Variants in ZNF385C observed in about 807,000 individuals in gnomAD.
ZNF385C encodes the protein zinc finger protein 385C.
A neutral mutation model predicts 35.4 loss-of-function variants in ZNF385C; 28 were observed. The ratio of observed to expected loss-of-function variants is 0.79; its 90% confidence interval spans 0.59 to 1.08. The LOEUF (loss-of-function observed/expected upper bound fraction) is 1.08. ZNF385C is among the 50% of genes least tolerant of loss of function. The pLI, the probability that ZNF385C is intolerant of heterozygous loss-of-function variation, is 0.00. For synonymous variants in ZNF385C, 248 were observed against 248.2 expected (o/e 1.00, Z 0.01); for missense variants, 605 against 595.6 (o/e 1.02, Z -0.16).
At chr17:42,092,761 G>T (rs2053875984) in intron 1 of ZNF385C, among the ~76,000 whole-genome samples, 1 of 152,226 alleles carries the variant, frequency 6.6e-6, no homozygotes. Context: ...GGGAGTGGGG[G>T]AGTGTCCCAT....
intron 1 of ZNF385C, among the ~76,000 whole-genome samples, chr17:42,084,883 C>T (rs1463241080): frequency 1.3e-5 from 2 of 152,118 alleles, no homozygotes; most frequent in African/African-American, 2.4e-5. Flanking sequence ...TCCCAGAGTG[C>T]TGGGATTACA....
chr17:42,027,562 A>G, intron 8 of ZNF385C, 56 bp downstream of exon 8: 1 of 150,460 alleles, frequency 6.6e-6, no homozygotes, highest in Non-Finnish European at 1.3e-5. Context: ...TGGCCCTCCC[A>G]GCCCACCCTC....
intron 5 of ZNF385C, among the ~76,000 whole-genome samples, chr17:42,030,407 G>A (rs1598178449): frequency 6.6e-6 from 1 of 152,086 alleles, no homozygotes; most frequent in Admixed American, 6.5e-5. Context: ...AGAATGGCTT[G>A]AACCCAGGAA....
intron 1 of ZNF385C, among the ~76,000 whole-genome samples, chr17:42,065,999 A>G (rs1383684646): frequency 6.6e-6 from 1 of 151,736 alleles, no homozygotes; most frequent in Non-Finnish European, 1.5e-5. Flanking sequence ...GCTGATCTAT[A>G]ATCTATGTAA....
chr17:42,057,540 GA>G (rs1598195004), intron 2 of ZNF385C, among the ~76,000 whole-genome samples: 22 of 151,122 alleles, frequency 1.5e-4, no homozygotes, highest in Non-Finnish European at 2.4e-4. Flanking sequence ...GTGTGTGTGT[GA>G]TGGTCCATAG....
At chr17:42,090,097 G>A (rs1477909401) in intron 1 of ZNF385C, among the ~76,000 whole-genome samples, 1 of 151,988 alleles carries the variant, frequency 6.6e-6, no homozygotes, top group Admixed American at 6.6e-5. Context: ...GGAGCACAGC[G>A]AGTTTCCCCT....
At chr17:42,039,444 A>G in intron 2 of ZNF385C, 1 of 358,600 alleles carries the variant, frequency 2.8e-6, no homozygotes, top group Non-Finnish European at 5.0e-6. Context: ...CTAACTGTGT[A>G]AAGGCCAGGA....
chr17:42,069,722 G>C (rs1289551227), intron 1 of ZNF385C, among the ~76,000 whole-genome samples: 1 of 152,220 alleles, frequency 6.6e-6, no homozygotes, highest in African/African-American at 2.4e-5. Flanking sequence ...GCCAGACCCT[G>C]CCTCGCTGGG....
intron 1 of ZNF385C, among the ~76,000 whole-genome samples, chr17:42,092,299 G>T (rs2053870475): frequency 6.6e-6 from 1 of 152,086 alleles, no homozygotes; most frequent in South Asian, 2.1e-4. Context: ...TACTCAGGAG[G>T]CTGAGGCACG....
intron 1 of ZNF385C, among the ~76,000 whole-genome samples, chr17:42,072,216 G>A (rs1474660412): frequency 2.0e-5 from 3 of 152,108 alleles, no homozygotes; most frequent in African/African-American, 7.2e-5. Flanking sequence ...AAAAGACGGT[G>A]GGTTATCTGG....
At chr17:42,052,033 C>T (rs1555657154) in intron 2 of ZNF385C, among the ~76,000 whole-genome samples, 2 of 152,200 alleles carry the variant, frequency 1.3e-5, no homozygotes, top group South Asian at 2.1e-4. Flanking sequence ...GAATTCTGCA[C>T]CCTGAAAGGG....
intron 1 of ZNF385C, among the ~76,000 whole-genome samples, chr17:42,063,830 C>T (rs1270818484): frequency 6.6e-6 from 1 of 152,274 alleles, no homozygotes; most frequent in African/African-American, 2.4e-5. Context: ...ACGCAGCAGC[C>T]GCCAGCCAAA....
chr17:42,041,070 A>C, intron 2 of ZNF385C: 2 of 1,232,328 alleles, frequency 1.6e-6, no homozygotes, highest in African/African-American at 3.1e-5. Context: ...CTGAAGTGGC[A>C]AACAGGGCCA....
At chr17:42,072,538 C>T (rs1214930478) in intron 1 of ZNF385C, among the ~76,000 whole-genome samples, 2 of 152,032 alleles carry the variant, frequency 1.3e-5, no homozygotes, top group African/African-American at 4.8e-5. Flanking sequence ...GGAGTGCGGG[C>T]CCGAGTCCGG....
intron 4 of ZNF385C, among the ~76,000 whole-genome samples, chr17:42,033,000 A>T (rs1165639506): frequency 6.6e-6 from 1 of 152,058 alleles, no homozygotes; most frequent in Non-Finnish European, 1.5e-5. Context: ...CTGGGATTAC[A>T]GGCATGAGCC....
At chr17:42,054,862 G>A (rs891133685) in intron 2 of ZNF385C, among the ~76,000 whole-genome samples, 1 of 152,140 alleles carries the variant, frequency 6.6e-6, no homozygotes, top group African/African-American at 2.4e-5. Flanking sequence ...GATTACAGGT[G>A]TGAGCCACAG....
At chr17:42,093,401 A>G (rs1234757159) in intron 1 of ZNF385C, among the ~76,000 whole-genome samples, 7 of 152,092 alleles carry the variant, frequency 4.6e-5, no homozygotes, top group Admixed American at 4.6e-4. Flanking sequence ...AAGGGGCTCT[A>G]TCCCTTATCT....
At chr17:42,042,555 A>G (rs1049209624) in intron 2 of ZNF385C, among the ~76,000 whole-genome samples, 2 of 152,078 alleles carry the variant, frequency 1.3e-5, no homozygotes, top group African/African-American at 4.8e-5. Context: ...TCTGTGGGTC[A>G]ATCAAGCCTC....
intron 1 of ZNF385C, among the ~76,000 whole-genome samples, chr17:42,085,388 C>T (rs1028605942): frequency 2.0e-5 from 3 of 151,772 alleles, no homozygotes; most frequent in African/African-American, 4.8e-5. Context: ...TGTGGCTCAG[C>T]CTCCTGAGCA....
Sources: gnomAD v4.1 joint callset for allele counts (sites outside exome capture counted in the v4.1 genomes callset) on GRCh38, gnomAD v4.1.1 for gene constraint, MANE v1.5 for transcripts, NCBI Gene and HGNC (gene_info 2026-07-23, HGNC 2026-07-21) for gene names.